EPHA6: variants seen among roughly 807,000 people sequenced by gnomAD.
EPHA6 encodes ephrin type-A receptor 6.
EPHA6 carries 50 observed loss-of-function variants against 112.0 expected under a neutral mutation model. The observed-to-expected ratio is 0.45, with a 90% CI of 0.36 to 0.56. The LOEUF (loss-of-function observed/expected upper bound fraction) is 0.56, where lower values mean the gene tolerates loss of function less well. EPHA6 is among the 20% of genes least tolerant of loss of function. The pLI is 0.00. For missense variants in EPHA6, 1,280 were observed against 1,417.4 expected (o/e 0.90, Z 1.56); for synonymous variants, 529 against 490.7 (o/e 1.08, Z -1.03).
At chr3:97,077,404 A>ATT (rs2046562769) in intron 3 of EPHA6, among the ~76,000 whole-genome samples, 1 of 151,890 alleles carries the variant, frequency 6.6e-6, no homozygotes, top group Admixed American at 6.6e-5. Flanking sequence ...ATATATATAT[A>ATT]TATACTTTAA....
chr3:97,018,542 C>A (rs1030444392), intron 3 of EPHA6, among the ~76,000 whole-genome samples: 2 of 152,190 alleles, frequency 1.3e-5, no homozygotes, highest in African/African-American at 4.8e-5. Context: ...TGCCTGGCAG[C>A]TGAGGCAGAG....
chr3:97,400,468 TA>T (rs962386086), intron 5 of EPHA6, among the ~76,000 whole-genome samples: 3 of 151,752 alleles, frequency 2.0e-5, no homozygotes, highest in Non-Finnish European at 4.4e-5. Flanking sequence ...GTAAAGAATA[TA>T]ATTGTTATTT....
chr3:96,858,148 T>G (rs192270094), intron 1 of EPHA6, among the ~76,000 whole-genome samples: 193 of 152,276 alleles, frequency 1.3e-3, no homozygotes, highest in Non-Finnish European at 2.4e-3. Flanking sequence ...ACTCAAAAGT[T>G]GAAGAAGAGG....
intron 14 of EPHA6, among the ~76,000 whole-genome samples, chr3:97,693,679 G>T (rs187401836): frequency 6.6e-6 from 1 of 152,066 alleles, no homozygotes; most frequent in Non-Finnish European, 1.5e-5. Flanking sequence ...ATGGTGGCGG[G>T]CGCCTGTAGT....
intron 5 of EPHA6, among the ~76,000 whole-genome samples, chr3:97,263,745 A>C (rs1165863184): frequency 1.3e-5 from 2 of 152,098 alleles, no homozygotes; most frequent in East Asian, 3.9e-4. Context: ...AAGTTAAAAG[A>C]AGAAAAATGA....
At chr3:97,246,330 A>G (rs2108586836) in intron 5 of EPHA6, among the ~76,000 whole-genome samples, 1 of 152,068 alleles carries the variant, frequency 6.6e-6, no homozygotes, top group African/African-American at 2.4e-5. Flanking sequence ...AAATATGCTT[A>G]CATAATTTCA....
intron 14 of EPHA6, among the ~76,000 whole-genome samples, chr3:97,702,465 T>C (rs950587028): frequency 6.6e-6 from 1 of 152,154 alleles, no homozygotes; most frequent in Non-Finnish European, 1.5e-5. Flanking sequence ...GGATAAAAAA[T>C]ATGGAACTTT....
At chr3:97,577,879 G>A (rs887538155) in intron 11 of EPHA6, among the ~76,000 whole-genome samples, 7 of 151,986 alleles carry the variant, frequency 4.6e-5, no homozygotes, top group East Asian at 1.9e-4. Context: ...TGGAAGTTAT[G>A]TTTCAATGTG....
intron 12 of EPHA6, among the ~76,000 whole-genome samples, chr3:97,595,894 C>T (rs888249680): frequency 2.0e-5 from 3 of 148,742 alleles, no homozygotes; most frequent in Admixed American, 6.8e-5. Flanking sequence ...TGTTATCAGA[C>T]ATATTCTCTT....
At chr3:97,642,491 G>A (rs1020460084) in intron 14 of EPHA6, among the ~76,000 whole-genome samples, 50 of 144,758 alleles carry the variant, frequency 3.5e-4, no homozygotes, top group African/African-American at 1.1e-3. Flanking sequence ...CAAATTACTC[G>A]GAGCTACGGG....
chr3:97,748,525 C>T, intron 17 of EPHA6, 62 bp from the exon 18 acceptor site: 1 of 780,270 alleles, frequency 1.3e-6, no homozygotes, highest in Non-Finnish European at 2.3e-6. Context: ...GTATCTCTCT[C>T]TCTCTCTCTC....
intron 1 of EPHA6, among the ~76,000 whole-genome samples, chr3:96,819,622 T>C (rs1386172965): frequency 6.6e-6 from 1 of 152,116 alleles, no homozygotes; most frequent in Non-Finnish European, 1.5e-5. Flanking sequence ...GAAATCAATA[T>C]ATATAGTTAG....
At chr3:97,736,462 A>AGT (rs2035257349) in intron 16 of EPHA6, among the ~76,000 whole-genome samples, 2 of 145,900 alleles carry the variant, frequency 1.4e-5, no homozygotes, top group African/African-American at 2.6e-5. Context: ...AGAGAGAGAG[A>AGT]GAGAGAGAGT....
At chr3:97,473,292 C>T (rs1290050679) in intron 7 of EPHA6, among the ~76,000 whole-genome samples, 1 of 151,662 alleles carries the variant, frequency 6.6e-6, no homozygotes, top group African/African-American at 2.4e-5. Flanking sequence ...CAGGAATATG[C>T]ATTTTTCAAA....
At chr3:96,929,545 A>G (rs1364109258) in intron 2 of EPHA6, among the ~76,000 whole-genome samples, 1 of 152,092 alleles carries the variant, frequency 6.6e-6, no homozygotes, top group Non-Finnish European at 1.5e-5. Flanking sequence ...TTTTTTAAAT[A>G]TTGGCCCCCA....
At chr3:97,736,468 A>AGTGTGT (rs1174431228) in intron 16 of EPHA6, among the ~76,000 whole-genome samples, 3 of 109,542 alleles carry the variant, frequency 2.7e-5, no homozygotes, top group African/African-American at 1.1e-4. Flanking sequence ...AGAGAGAGAG[A>AGTGTGT]GAGTGTGTGT....
chr3:97,098,738 C>T (rs1274249422), intron 3 of EPHA6, among the ~76,000 whole-genome samples: 1 of 151,748 alleles, frequency 6.6e-6, no homozygotes, highest in Non-Finnish European at 1.5e-5. Flanking sequence ...TGGAACACTT[C>T]GTAGTCTGTA....
At chr3:96,914,130 C>T (rs954094484) in intron 2 of EPHA6, among the ~76,000 whole-genome samples, 3 of 151,880 alleles carry the variant, frequency 2.0e-5, no homozygotes, top group Non-Finnish European at 2.9e-5. Flanking sequence ...ATTTTCATGC[C>T]GGCACAAAAG....
intron 5 of EPHA6, among the ~76,000 whole-genome samples, chr3:97,254,244 A>C (rs1388529903): frequency 1.3e-5 from 2 of 152,198 alleles, no homozygotes; most frequent in Non-Finnish European, 2.9e-5. Context: ...GCTGGAGTGC[A>C]GTGGCGCGAT....
Sources: gnomAD v4.1 joint callset for allele counts (sites outside exome capture counted in the v4.1 genomes callset) on GRCh38, gnomAD v4.1.1 for gene constraint, MANE v1.5 for transcripts, NCBI Gene and HGNC (gene_info 2026-07-23, HGNC 2026-07-21) for gene names.